LAMA2: variants seen among roughly 807,000 people sequenced by gnomAD.
LAMA2 encodes laminin subunit alpha 2.
LAMA2 carries 269 observed loss-of-function variants against 364.8 expected under a neutral mutation model. The ratio of observed to expected loss-of-function variants is 0.74; its 90% CI spans 0.67 to 0.82. LAMA2 has a LOEUF of 0.82. Ranked by LOEUF, LAMA2 falls within the 40% of genes least tolerant of loss-of-function variation. LAMA2 has a pLI of 0.00. For missense variants in LAMA2, 3,807 were observed against 3,873.2 expected, an observed-to-expected ratio of 0.98 and a Z score of 0.45; for synonymous variants, 1,379 against 1,370.6, an observed-to-expected ratio of 1.01 and a Z score of -0.14.
At chr6:129,128,979 C>G (rs183716975) in intron 4 of LAMA2, among the ~76,000 whole-genome samples, 21 of 152,192 alleles carry the variant, frequency 1.4e-4, no homozygotes, top group Non-Finnish European at 2.8e-4. Flanking sequence ...TTAATATTTC[C>G]CAGCAACTTC....
intron 1 of LAMA2, among the ~76,000 whole-genome samples, chr6:128,901,231 T>G (rs1777065175): frequency 6.6e-6 from 1 of 152,218 alleles, no homozygotes; most frequent in South Asian, 2.1e-4. Context: ...TAGATTCAAT[T>G]TTCAAAAATC....
chr6:129,398,728 C>A (rs906667394), intron 37 of LAMA2, among the ~76,000 whole-genome samples: 6 of 152,046 alleles, frequency 3.9e-5, no homozygotes, highest in African/African-American at 1.4e-4. Flanking sequence ...CCTGCCTTGG[C>A]CTCCCAAAGT....
In LAMA2 at chr6:128,941,240, A is replaced by G. The variant is rs186127999; in HGVS notation, c.112+57883A>G. ...TTTACACTAAATGACTTTATTTCGAACATTCAACAAACACTGACTGATTGT... is the reference window on the plus strand; with the variant it reads ...TTTACACTAAATGACTTTATTTCGAGCATTCAACAAACACTGACTGATTGT... On this transcript the variant is annotated intron_variant, in intron 1 of 64. Transcript: ENST00000421865. Among the ~76,000 whole-genome samples the G allele has an allele frequency of 4.3e-3, 662 of 152,306 alleles. 6 individuals carry two copies. Among genetic ancestry groups the G allele is most frequent in the African/African-American group, 0.015 (618 of 41,574 alleles).
Position 129,192,769 on chromosome 6 carries a change from G to A in LAMA2, c.1698G>A (p.Gln566=), listed in dbSNP as rs1042133494. The A allele has an allele frequency of 1.9e-6, 3 of 1,614,224 alleles. No homozygotes were observed. The South Asian group carries it at 3.3e-5, about 18-fold the overall frequency. The change falls in exon 12 of 65, where the codon CAG becomes CAA. Residue 566 remains glutamine, a synonymous_variant. Transcript: ENST00000421865. ...AGGACGACTTGGACTCACCTCAGCA[G>A]ATCAGCATCAGTAACGCGGAGGCCC... ...PQQDDLDSPQ[Q]ISISNAEARQ... is the part of the protein sequence containing the mutation.
At chr6:129,353,123 T>C (rs1776947303) in intron 31 of LAMA2, 41 bp from the exon 32 acceptor site, 1 of 1,504,000 alleles carries the variant, frequency 6.6e-7, no homozygotes, top group South Asian at 1.1e-5. Context: ...GAGACATGAC[T>C]TGCTATTAAC....
intron 1 of LAMA2, among the ~76,000 whole-genome samples, chr6:128,985,167 A>G (rs1783141619): frequency 6.6e-6 from 1 of 152,140 alleles, no homozygotes; most frequent in African/African-American, 2.4e-5. Context: ...CTCTCTGAAG[A>G]AAAGTGGGTC....
At chr6:128,892,000 A>G (rs1776484266) in intron 1 of LAMA2, among the ~76,000 whole-genome samples, 2 of 152,030 alleles carry the variant, frequency 1.3e-5, no homozygotes, top group African/African-American at 4.8e-5. Context: ...TAAATTTTCT[A>G]TTCGTAAGAT....
chr6:129,009,777 G>A (rs1357832403), intron 1 of LAMA2, among the ~76,000 whole-genome samples: 4 of 152,080 alleles, frequency 2.6e-5, no homozygotes, highest in African/African-American at 7.2e-5. Context: ...GCTGTCTTCC[G>A]ATTTCACCAG....
chr6:129,099,125 GT>G lies in LAMA2; in HGVS notation c.639+724del, dbSNP rs370334822. 9.3e-3 allele frequency among the ~76,000 whole-genome samples: 1,203 copies of G among 129,756 alleles called. 23 individuals carry two copies. Among genetic ancestry groups the G allele is most frequent in the African/African-American group, 0.033 (1,142 of 34,720 alleles). 85.1% of individuals were successfully genotyped at this position (129,756 alleles called of 152,430 possible). On this transcript the variant is annotated intron_variant, in intron 4 of 64. Coordinates refer to ENST00000421865, the MANE Select transcript of LAMA2 (RefSeq NM_000426.4). ...GTGGGGGCGGGGAGGTTTTTTTTTT[GT>G]TTTTTTTTTTTTTGTTTTCTGGCTT...
chr6:128,911,740 C>T (rs995438659), intron 1 of LAMA2, among the ~76,000 whole-genome samples: 1 of 152,090 alleles, frequency 6.6e-6, no homozygotes, highest in African/African-American at 2.4e-5. Context: ...TATATATATA[C>T]CCATATAACC....
At chr6:129,464,213 T>C in intron 49 of LAMA2, 77 bp from the exon 50 acceptor site, 1 of 1,234,302 alleles carries the variant, frequency 8.1e-7, no homozygotes, top group Non-Finnish European at 1.2e-6. Context: ...ATAGTCTCAT[T>C]GCTATTCAGT....
At chr6:129,441,108 GCCTT>G in intron 43 of LAMA2, 110 bp downstream of exon 43, 1 of 946,462 alleles carries the variant, frequency 1.1e-6, no homozygotes. Context: ...GGTGTAGTCT[GCCTT>G]CCTTCTTTCA....
intron 40 of LAMA2, among the ~76,000 whole-genome samples, chr6:129,404,731 G>T (rs186572528): frequency 6.6e-6 from 1 of 152,180 alleles, no homozygotes; most frequent in East Asian, 1.9e-4. Flanking sequence ...AAACACATGA[G>T]AATTTTTTGG....
intron 1 of LAMA2, among the ~76,000 whole-genome samples, chr6:128,935,651 T>C (rs1779771086): frequency 6.6e-6 from 1 of 152,220 alleles, no homozygotes; most frequent in Non-Finnish European, 1.5e-5. Flanking sequence ...ATCCTGCAAC[T>C]TTATTGAATT....
At chr6:129,144,225 A>ATTG (rs1199203618) in intron 5 of LAMA2, 145 bp downstream of exon 5, 5 of 594,308 alleles carry the variant, frequency 8.4e-6, no homozygotes, top group African/African-American at 3.8e-5. Flanking sequence ...TATTATTATT[A>ATTG]TTATTATTTG....
chr6:129,019,956 G>C (rs977403117), intron 1 of LAMA2, among the ~76,000 whole-genome samples: 3 of 151,994 alleles, frequency 2.0e-5, no homozygotes, highest in Non-Finnish European at 4.4e-5. Context: ...GTGGTGGCAG[G>C]CACCTGTAAT....
intron 10 of LAMA2, among the ~76,000 whole-genome samples, chr6:129,189,981 A>T (rs1781435348): frequency 6.6e-6 from 1 of 152,174 alleles, no homozygotes; most frequent in Non-Finnish European, 1.5e-5. Context: ...CTTTTACGAG[A>T]GTAGATTTGC....
intron 1 of LAMA2, among the ~76,000 whole-genome samples, chr6:128,893,788 A>G (rs1359521430): frequency 1.3e-5 from 2 of 152,022 alleles, no homozygotes; most frequent in Non-Finnish European, 2.9e-5. Flanking sequence ...TTACTAATTA[A>G]TTTAAAATAC....
chr6:129,396,108 A>G (rs1435490066), intron 37 of LAMA2, among the ~76,000 whole-genome samples: 1 of 152,206 alleles, frequency 6.6e-6, no homozygotes, highest in Non-Finnish European at 1.5e-5. Flanking sequence ...ACTTAAACTG[A>G]ATAAATGGTT....
Sources: gnomAD v4.1 joint callset for allele counts (sites outside exome capture counted in the v4.1 genomes callset) on GRCh38, gnomAD v4.1.1 for gene constraint, MANE v1.5 for transcripts, NCBI Gene and HGNC (gene_info 2026-07-23, HGNC 2026-07-21) for gene names.